The following ZNF350 variants were observed in gnomAD, a reference collection of about 807,000 sequenced individuals.
The protein encoded by ZNF350 is zinc finger protein 350.
Under a neutral mutation model 13.1 loss-of-function variants are expected in ZNF350, and 5 were observed. The ratio of observed to expected loss-of-function variants is 0.38; its 90% confidence interval spans 0.20 to 0.80. The LOEUF (loss-of-function observed/expected upper bound fraction) is 0.80, where lower values mean the gene tolerates loss of function less well. Among genes scored for constraint, ZNF350 ranks in the 30% least tolerant of loss-of-function variants. The pLI is 0.43. For synonymous variants in ZNF350, 199 were observed against 224.2 expected (o/e 0.89, Z 1.00); for missense variants, 534 against 644.2 (o/e 0.83, Z 1.85).
chr19:51,978,994 G>A (rs2122941166), intron 1 of ZNF350, among the ~76,000 whole-genome samples: 1 of 152,272 alleles, frequency 6.6e-6, no homozygotes, highest in South Asian at 2.1e-4. Context: ...CCATGTGGGT[G>A]CCCTCAAGGT....
Position 51,984,795 on chromosome 19 carries a change from C to T in ZNF350, c.-172+1975G>A, listed in dbSNP as rs553438470. Among the ~76,000 whole-genome samples, 24 of 152,226 alleles carry T rather than the reference C, an allele frequency of 1.6e-4. No homozygotes were observed. The South Asian group carries it at 4.8e-3, about 30-fold the overall frequency. Reference sequence around the variant, plus strand: ...AGCATATGCAAGAGACCATATGTAGCCTGCAAGCCCTAAAATATTTACTGT... The same window carrying T: ...AGCATATGCAAGAGACCATATGTAGTCTGCAAGCCCTAAAATATTTACTGT... On this transcript the variant is annotated intron_variant, in intron 1 of 4. Coordinates refer to ENST00000243644, the MANE Select transcript of ZNF350 (RefSeq NM_021632.4).
At chr19:51,983,262 G>A (rs756040333) in intron 1 of ZNF350, among the ~76,000 whole-genome samples, 1 of 152,142 alleles carries the variant, frequency 6.6e-6, no homozygotes, top group Non-Finnish European at 1.5e-5. Flanking sequence ...AAGGCCGCAG[G>A]GACCTCTGCC....
intron 1 of ZNF350, among the ~76,000 whole-genome samples, chr19:51,981,629 A>G (rs1287461815): frequency 6.6e-6 from 1 of 152,190 alleles, no homozygotes; most frequent in Non-Finnish European, 1.5e-5. Context: ...TGGAGACAAT[A>G]TGCCACAGAG....
intron 2 of ZNF350, chr19:51,973,409 T>C (rs73934705): frequency 0.22 from 32,680 of 151,842 alleles, 3,909 homozygotes; most frequent in African/African-American, 0.31. Context: ...TCTATCATAG[T>C]TCGTATTTTT....
At chr19:51,983,091 C>G (rs2086085593) in intron 1 of ZNF350, among the ~76,000 whole-genome samples, 2 of 152,208 alleles carry the variant, frequency 1.3e-5, no homozygotes, top group African/African-American at 2.4e-5. Flanking sequence ...AACCCTAGCC[C>G]CAACCCTGTG....
rs562841321 is a variant in ZNF350, at chr19:51,965,143, G to A, written c.1310C>T (p.Pro437Leu). The A allele has an allele frequency of 3.5e-5, 57 of 1,614,046 alleles. No homozygotes were observed. Among genetic ancestry groups the A allele is most frequent in the Non-Finnish European group, 4.8e-5 (57 of 1,180,048 alleles). The change falls in exon 5 of 5, where the codon CCT becomes CTT. Residue 437 changes from proline (P) to leucine (L), a missense_variant. Pro to Leu is a moderately conservative substitution (Grantham distance 98, BLOSUM62 -3). Coordinates refer to ENST00000243644, the MANE Select transcript of ZNF350 (RefSeq NM_021632.4). ...EKQEAAKVEN[P>L]PAERHSSLHT... ...TAATGAGCTGTGCCTCTCTGCAGGA[G>A]GATTTTCCACCTTGGCTGCCTCTTG...
intron 2 of ZNF350, chr19:51,973,534 T>G (rs549877870): frequency 1.3e-5 from 2 of 152,182 alleles, no homozygotes; most frequent in African/African-American, 4.8e-5. Flanking sequence ...AAAACTCCCT[T>G]TGTTCAATTA....
chr19:51,983,257 C>T (rs1320113047), intron 1 of ZNF350, among the ~76,000 whole-genome samples: 6 of 152,164 alleles, frequency 3.9e-5, no homozygotes, highest in South Asian at 4.1e-4. Flanking sequence ...TGCGGAAGGC[C>T]GCAGGGACCT....
intron 2 of ZNF350, chr19:51,973,463 C>T (rs2085803134): frequency 6.6e-6 from 1 of 152,176 alleles, no homozygotes; most frequent in Non-Finnish European, 1.5e-5. Flanking sequence ...AAAGACACTA[C>T]CATTAGCAAG....
rs758930217 is a variant in ZNF350, at chr19:51,964,985, G to A, written c.1468C>T (p.Pro490Ser). ...ANRNVVLVGQ[P>S]VVRCAASGDN... The stretch of plus-strand genomic sequence containing the variant: ...CCTGAGGCTGCACATCTGACCACTG[G>A]CTGTCCCACAAGGACTACGTTCCTG... The change falls in exon 5 of 5, where the codon CCA (proline) becomes TCA (serine). Residue 490 changes from proline to serine, a missense_variant. Transcript: ENST00000243644. 1.1e-5 allele frequency: 17 copies of A among 1,614,030 alleles called. No individual in the cohort carries two copies. Among genetic ancestry groups the A allele is most frequent in the African/African-American group, 4.0e-5 (3 of 74,924 alleles).
chr19:51,965,295 C>T lies in ZNF350; in HGVS notation c.1158G>A (p.Lys386=). 12 of 1,614,008 alleles carry T rather than the reference C, an allele frequency of 7.4e-6. No individual in the cohort carries two copies. The highest frequency in any genetic ancestry group is 1.0e-5 in the Non-Finnish European group (12 of 1,179,912). Residue 386 remains lysine (K), a synonymous_variant, in exon 5 of 5, where the codon AAG becomes AAA. Transcript: ENST00000243644. Reference sequence around the variant, plus strand: ...TCCTTTGATGGACAATGAGCTTTTGCTTTGTGCTAAAGGCTTTCCCACATT... The same window carrying T: ...TCCTTTGATGGACAATGAGCTTTTGTTTTGTGCTAAAGGCTTTCCCACATT... ...CSECGKAFST[K]QKLIVHQRTH...
chr19:51,976,101 G>A lies in ZNF350; in HGVS notation c.-171-1570C>T, dbSNP rs1014396558. Among the ~76,000 whole-genome samples the A allele has an allele frequency of 1.4e-5, 2 of 147,402 alleles. No homozygotes were observed. The highest frequency in any genetic ancestry group is 6.8e-5 in the Admixed American group (1 of 14,770). On this transcript the variant is annotated intron_variant, in intron 1 of 4. Transcript: ENST00000243644. This position sits in a 1 kb window ranked among gnomAD's most constrained non-coding sequence, Gnocchi z 4.5. ...AAGACTACTCTGGACCCCTGGCGCC[G>A]TTATCTACTGCGACATCTAGAGAAT... is the stretch of plus-strand genomic sequence containing the variant.
rs775326226 is a variant in ZNF350, at chr19:51,968,636, C to T, written c.180G>A (p.Leu60=). 3 of 1,613,926 alleles carry T rather than the reference C, an allele frequency of 1.9e-6. No individual in the cohort carries two copies. In the African/African-American group the frequency reaches 4.0e-5, roughly 22 times the overall value. ...QASKPDALFK[L]EQGEQLWTIE... is the part of the protein sequence containing the mutation. ...TTGTCCACAGTTGTTCTCCTTGTTC[C>T]AACTTGAAGAGTGCATCCGGTTTGC... The change falls in exon 4 of 5, where the codon TTG becomes TTA. Residue 60 remains leucine, a synonymous_variant. Transcript: ENST00000243644.
At chr19:51,970,415 A>G (rs1305883855) in intron 2 of ZNF350, among the ~76,000 whole-genome samples, 1 of 152,134 alleles carries the variant, frequency 6.6e-6, no homozygotes, top group African/African-American at 2.4e-5. Context: ...TACAATGTAA[A>G]TGGTATGTTA....
rs370722820 is a variant in ZNF350, at chr19:51,974,394, G to C, written c.-34C>G. ...GTTCTTGGAAGACAGCATTCAACTG[G>C]GATGGTCTGTCTTTGTATCTTCTGG... On this transcript the variant is annotated 5_prime_UTR_variant, in exon 2 of 5. Transcript: ENST00000243644. The C allele has an allele frequency of 6.2e-7, 1 of 1,613,090 alleles. No homozygotes were observed.
chr19:51,983,232 A>G (rs780958299), intron 1 of ZNF350, among the ~76,000 whole-genome samples: 2 of 152,224 alleles, frequency 1.3e-5, no homozygotes, highest in African/African-American at 4.8e-5. Context: ...TCAAGTACCC[A>G]GGGACACAAT....
intron 2 of ZNF350, 72 bp downstream of exon 2, chr19:51,974,274 T>C (rs1278994068): frequency 6.6e-7 from 1 of 1,512,148 alleles, no homozygotes; most frequent in South Asian, 1.2e-5. Flanking sequence ...ATTAGTGAAA[T>C]TGATGTTTAT....
chr19:51,986,518 T>C (rs2086160910), intron 1 of ZNF350: 2 of 152,348 alleles, frequency 1.3e-5, no homozygotes, highest in Non-Finnish European at 2.9e-5. Context: ...ACCTTGACAG[T>C]TAGGACACGG....
At chr19:51,969,361 T>C (rs1407491098) in intron 2 of ZNF350, among the ~76,000 whole-genome samples, 1 of 152,040 alleles carries the variant, frequency 6.6e-6, no homozygotes, top group Non-Finnish European at 1.5e-5. Flanking sequence ...AAGTTAAATC[T>C]TGCTAACCTA....
Sources: gnomAD v4.1 joint callset for allele counts (sites outside exome capture counted in the v4.1 genomes callset) on GRCh38, gnomAD v4.1.1 for gene constraint, Gnocchi (gnomAD v3.1) non-coding constraint, MANE v1.5 for transcripts, NCBI Gene and HGNC (gene_info 2026-07-23, HGNC 2026-07-21) for gene names.